The following MAN2B2 variants were observed in gnomAD, a reference collection of about 807,000 sequenced individuals.
MAN2B2 encodes mannosidase alpha class 2B member 2, also known as epididymis-specific alpha-mannosidase.
Under a neutral mutation model 117.1 loss-of-function variants are expected in MAN2B2, and 106 were observed. The ratio of observed to expected loss-of-function variants is 0.90; its 90% confidence interval spans 0.77 to 1.06. The LOEUF is 1.06. MAN2B2 is among the 50% of genes least tolerant of loss of function. The pLI, the probability that MAN2B2 is intolerant of heterozygous loss-of-function variation, is 0.00. For missense variants in MAN2B2, 1,326 were observed against 1,381.4 expected (o/e 0.96, Z 0.64); for synonymous variants, 544 against 595.1 (o/e 0.91, Z 1.25).
intron 3 of MAN2B2, among the ~76,000 whole-genome samples, chr4:6,580,485 G>A (rs1030609154): frequency 1.3e-5 from 2 of 152,160 alleles, no homozygotes; most frequent in African/African-American, 4.8e-5. Flanking sequence ...CACTGTAGGC[G>A]TGTCCCCCAC....
intron 10 of MAN2B2, among the ~76,000 whole-genome samples, chr4:6,602,973 G>T (rs1202945639): frequency 6.6e-6 from 1 of 152,172 alleles, no homozygotes; most frequent in Non-Finnish European, 1.5e-5. Context: ...ACCACACCAG[G>T]CCTGTTCACA....
At chr4:6,581,437 C>T (rs1577272436) in intron 3 of MAN2B2, among the ~76,000 whole-genome samples, 1 of 152,144 alleles carries the variant, frequency 6.6e-6, no homozygotes, top group Non-Finnish European at 1.5e-5. Flanking sequence ...CCCATGTGTG[C>T]CTGGCCTGGG....
rs573905307 is a variant in MAN2B2 at position 6,590,875 on chromosome 4, G to T, written c.680+1715G>T. Reference sequence around the variant, plus strand: ...TGAAGAAGGCCGGAGGAGGCCAGGCGCAGTGGCTCACACCTGTAATCCCAG... The same window carrying T: ...TGAAGAAGGCCGGAGGAGGCCAGGCTCAGTGGCTCACACCTGTAATCCCAG... On this transcript the variant is annotated intron_variant, in intron 5 of 18. Coordinates refer to ENST00000285599, the MANE Select transcript of MAN2B2 (RefSeq NM_015274.3). 2.0e-5 allele frequency among the ~76,000 whole-genome samples: 3 copies of T among 152,082 alleles called. No homozygotes were observed. In the East Asian group the frequency reaches 5.8e-4, roughly 29 times the overall value.
At chr4:6,604,605 G>T (rs1727462660) in intron 10 of MAN2B2, among the ~76,000 whole-genome samples, 2 of 152,032 alleles carry the variant, frequency 1.3e-5, no homozygotes, top group Non-Finnish European at 2.9e-5. Flanking sequence ...TGGGGATGCT[G>T]CAGGGAGCAG....
intron 15 of MAN2B2, 109 bp from the exon 16 acceptor site, chr4:6,614,109 A>G (rs1349951255): frequency 8.7e-6 from 12 of 1,380,032 alleles, no homozygotes; most frequent in Non-Finnish European, 1.2e-5. Context: ...ACAAGGATGC[A>G]TGGGAAGTGG....
In MAN2B2 at chr4:6,609,274, CTG is replaced by C. The variant is rs777467149; in HGVS notation, c.1983_1984del (p.Glu662AspfsTer30). On this transcript the variant is annotated frameshift_variant, in exon 12 of 19. Transcript: ENST00000285599. LOFTEE classifies it high-confidence loss of function. ...GAGATTGTGGCGGGACAGCTTGTGACTGAGATCCGGCAGTACTTCTACAGGTG... is the reference window on the plus strand; with the variant it reads ...GAGATTGTGGCGGGACAGCTTGTGACAGATCCGGCAGTACTTCTACAGGTG... 2 of 1,613,974 alleles carry C rather than the reference CTG, an allele frequency of 1.2e-6. No individual in the cohort carries two copies. Among genetic ancestry groups the C allele is most frequent in the Non-Finnish European group, 1.7e-6 (2 of 1,179,980 alleles).
chr4:6,620,074 C>A (rs759676488), intron 18 of MAN2B2, 30 bp downstream of exon 18: 1 of 1,558,170 alleles, frequency 6.4e-7, no homozygotes, highest in South Asian at 1.2e-5. Flanking sequence ...AGCTCCCTAC[C>A]CAGGACTCCC....
chr4:6,620,395 G>A (rs994110259), intron 18 of MAN2B2: 22 of 247,314 alleles, frequency 8.9e-5, no homozygotes, highest in East Asian at 1.0e-4. Flanking sequence ...TGCCTCATAC[G>A]ACATGTGCCA....
At chr4:6,599,238 C>T (rs980015436) in intron 9 of MAN2B2, among the ~76,000 whole-genome samples, 5 of 152,192 alleles carry the variant, frequency 3.3e-5, no homozygotes, top group African/African-American at 1.2e-4. Flanking sequence ...GCTGGGACTA[C>T]AGGCATGCAC....
intron 10 of MAN2B2, among the ~76,000 whole-genome samples, 166 bp from the exon 11 acceptor site, chr4:6,604,886 TGTG>T (rs1727475514): frequency 6.6e-6 from 1 of 151,824 alleles, no homozygotes. Context: ...CCAGGACTGA[TGTG>T]GTTTGTGGGG....
chr4:6,611,247 C>T lies in MAN2B2; in HGVS notation c.2532C>T (p.His844=). The change falls in exon 15 of 19, where the codon CAC becomes CAT. Residue 844 remains histidine (H), a synonymous_variant. Coordinates refer to ENST00000285599, the MANE Select transcript of MAN2B2 (RefSeq NM_015274.3). ...LRQRSALALQ[H]RPVVLFGDLA... ...AGAGGAGCGCACTGGCGCTGCAGCACAGGCCCGTGGTGCTGTTCGGAGACC... is the reference window on the plus strand; with the variant it reads ...AGAGGAGCGCACTGGCGCTGCAGCATAGGCCCGTGGTGCTGTTCGGAGACC... The T allele has an allele frequency of 1.2e-6, 2 of 1,612,152 alleles. No homozygotes were observed. The highest frequency in any genetic ancestry group is 1.7e-6 in the Non-Finnish European group (2 of 1,179,344).
At chr4:6,612,446 C>T (rs1015985958) in intron 15 of MAN2B2, among the ~76,000 whole-genome samples, 5 of 152,284 alleles carry the variant, frequency 3.3e-5, no homozygotes, top group African/African-American at 9.6e-5. Flanking sequence ...GTAACAGAGC[C>T]TGAAGGGGCA....
intron 11 of MAN2B2, among the ~76,000 whole-genome samples, chr4:6,608,084 TTTATTA>T (rs1233299320): frequency 6.6e-6 from 1 of 152,236 alleles, no homozygotes; most frequent in East Asian, 1.9e-4. Flanking sequence ...TGGCTTGTCT[TTTATTA>T]TTGAGTTGTA....
intron 5 of MAN2B2, among the ~76,000 whole-genome samples, chr4:6,590,124 C>T (rs543738824): frequency 2.6e-5 from 4 of 151,914 alleles, no homozygotes; most frequent in East Asian, 1.9e-4. Flanking sequence ...GTAATCCCAG[C>T]GCTTTGGGAA....
In MAN2B2 at chr4:6,622,789, G is replaced by A. The variant is rs1014183527; in HGVS notation, c.*1504G>A. ...ATGTAGGAAATTATTTGGTACTCTAGGGCTGAAGGAAAGTACCCAGAAAGG... is the reference window on the plus strand; with the variant it reads ...ATGTAGGAAATTATTTGGTACTCTAAGGCTGAAGGAAAGTACCCAGAAAGG... On this transcript the variant is annotated 3_prime_UTR_variant, in exon 19 of 19. Transcript: ENST00000285599. The A allele has an allele frequency of 6.7e-6, 1 of 149,070 alleles. No individual in the cohort carries two copies. Among genetic ancestry groups the A allele is most frequent in the African/African-American group, 2.6e-5 (1 of 38,470 alleles). 9.2% of individuals were successfully genotyped at this position (149,070 alleles called of 1,614,324 possible). A position where few individuals can be genotyped will look rare whatever the true frequency, so the allele number is the denominator to read the frequency against.
At chr4:6,579,292 C>T (rs1022313071) in intron 3 of MAN2B2, among the ~76,000 whole-genome samples, 6 of 93,914 alleles carry the variant, frequency 6.4e-5, no homozygotes, top group Admixed American at 2.2e-4. Context: ...ATCACCATCA[C>T]CACCACCATC....
chr4:6,597,325 G>C, intron 8 of MAN2B2, 22 bp downstream of exon 8: 1 of 1,520,088 alleles, frequency 6.6e-7, no homozygotes, highest in Non-Finnish European at 8.8e-7. Context: ...TTTAGCCACA[G>C]TGGCAGGATT....
intron 3 of MAN2B2, among the ~76,000 whole-genome samples, chr4:6,579,730 A>T (rs1276978991): frequency 1.3e-5 from 2 of 151,900 alleles, no homozygotes; most frequent in African/African-American, 4.8e-5. Flanking sequence ...CATCCCCTCC[A>T]CAATCATCAT....
intron 3 of MAN2B2, among the ~76,000 whole-genome samples, chr4:6,579,210 T>G (rs370723923): frequency 1.4e-4 from 3 of 21,538 alleles, no homozygotes; most frequent in South Asian, 2.3e-3. Context: ...ACCATCACCA[T>G]CACCACCACC....
Sources: allele counts gnomAD v4.1 joint callset (sites outside exome capture counted in the v4.1 genomes callset), GRCh38; gene constraint gnomAD v4.1.1; transcripts MANE v1.5; gene names NCBI Gene and HGNC (gene_info 2026-07-23, HGNC 2026-07-21).